SRBD1: variants seen among roughly 807,000 people sequenced by gnomAD.
SRBD1 encodes the protein S1 RNA binding domain 1, also known as S1 RNA-binding domain-containing protein 1.
Under a neutral mutation model 115.3 loss-of-function variants are expected in SRBD1, and 88 were observed. The ratio of observed to expected loss-of-function variants is 0.76; its 90% CI spans 0.64 to 0.91. The LOEUF (loss-of-function observed/expected upper bound fraction) is 0.91, where lower values mean the gene tolerates loss of function less well. SRBD1 is among the 40% of genes least tolerant of loss of function. The pLI, the probability that SRBD1 is intolerant of heterozygous loss-of-function variation, is 0.00. For synonymous variants in SRBD1, 509 were observed against 407.7 expected (o/e 1.25, Z -2.99); for missense variants, 1,385 against 1,177.4 (o/e 1.18, Z -2.58).
intron 16 of SRBD1, among the ~76,000 whole-genome samples, chr2:45,445,642 A>G (rs1439987256): frequency 1.3e-5 from 2 of 151,868 alleles, no homozygotes; most frequent in Non-Finnish European, 2.9e-5. Flanking sequence ...TAAAGAAACC[A>G]ATGTTAGACA....
chr2:45,395,083 C>T (rs1247559196), intron 19 of SRBD1, among the ~76,000 whole-genome samples: 2 of 152,214 alleles, frequency 1.3e-5, no homozygotes, highest in African/African-American at 4.8e-5. Context: ...CGAAATCCAA[C>T]TTCCTTATAC....
chr2:45,501,049 T>C (rs987789623), intron 14 of SRBD1, among the ~76,000 whole-genome samples: 1 of 152,192 alleles, frequency 6.6e-6, no homozygotes, highest in Non-Finnish European at 1.5e-5. Context: ...TGTTGAGGTA[T>C]GTTCCTTCTC....
At chr2:45,547,134 C>G (rs1187015410) in intron 13 of SRBD1, among the ~76,000 whole-genome samples, 1 of 152,090 alleles carries the variant, frequency 6.6e-6, no homozygotes, top group Non-Finnish European at 1.5e-5. Context: ...AACTCTGGAG[C>G]ATTCTAAGCC....
intron 16 of SRBD1, among the ~76,000 whole-genome samples, chr2:45,441,722 G>C (rs577044114): frequency 6.6e-6 from 1 of 152,340 alleles, no homozygotes; most frequent in East Asian, 1.9e-4. Flanking sequence ...CCCTAAAATA[G>C]GAGGAGATAC....
At chr2:45,444,234 T>C (rs979220170) in intron 16 of SRBD1, among the ~76,000 whole-genome samples, 1 of 152,066 alleles carries the variant, frequency 6.6e-6, no homozygotes, top group African/African-American at 2.4e-5. Flanking sequence ...AGTGAGACCC[T>C]AACTTTACAA....
At chr2:45,495,819 A>C (rs1018259859) in intron 14 of SRBD1, among the ~76,000 whole-genome samples, 1 of 152,166 alleles carries the variant, frequency 6.6e-6, no homozygotes, top group African/African-American at 2.4e-5. Context: ...TACAAAACCT[A>C]AGGGGGCAGG....
chr2:45,413,057 T>C, intron 19 of SRBD1, 57 bp downstream of exon 19: 1 of 1,525,578 alleles, frequency 6.6e-7, no homozygotes, highest in Middle Eastern at 1.8e-4. Context: ...CAAAGGCCAT[T>C]TGCTGTAAAG....
chr2:45,516,641 A>T (rs1295666994), intron 14 of SRBD1, among the ~76,000 whole-genome samples: 1 of 152,190 alleles, frequency 6.6e-6, no homozygotes, highest in Non-Finnish European at 1.5e-5. Flanking sequence ...TGCTTACAGG[A>T]GTAGATAGTT....
At chr2:45,472,376 T>C (rs559247215) in intron 16 of SRBD1, among the ~76,000 whole-genome samples, 5 of 152,260 alleles carry the variant, frequency 3.3e-5, no homozygotes, top group Admixed American at 6.5e-5. Context: ...AAAAATGTTC[T>C]ATTTTCACAA....
At chr2:45,586,220 G>C (rs1406015658) in intron 4 of SRBD1, among the ~76,000 whole-genome samples, 1 of 152,106 alleles carries the variant, frequency 6.6e-6, no homozygotes, top group East Asian at 1.9e-4. Flanking sequence ...TCTACTACTG[G>C]AAATTTATCA....
At chr2:45,414,746 GTA>G (rs1558563390) in intron 18 of SRBD1, among the ~76,000 whole-genome samples, 20 of 113,224 alleles carry the variant, frequency 1.8e-4, no homozygotes, top group African/African-American at 8.3e-4. Context: ...TATATAGTAT[GTA>G]CACACACACA....
In SRBD1 at chr2:45,605,248, A is replaced by T. The variant is rs976191127; in HGVS notation, c.80+114T>A. 4 of 897,716 alleles carry T rather than the reference A, an allele frequency of 4.5e-6. No individual in the cohort carries two copies. The African/African-American group carries it at 6.7e-5, about 15-fold the overall frequency. The allele number at this position is 897,716 out of a possible 1,614,324, so 55.6% of individuals were successfully genotyped here. A position where few individuals can be genotyped will look rare whatever the true frequency, so the allele number is the denominator to read the frequency against. ...ACAAATACTTGTTGCATGAATGAAT[A>T]AAAAAAGTTTTTTCTACCCACATCA... is the stretch of plus-strand genomic sequence containing the variant. On this transcript the variant is annotated intron_variant, in intron 2 of 20. Coordinates refer to ENST00000263736, the MANE Select transcript of SRBD1 (RefSeq NM_018079.5).
At chr2:45,482,215 G>A (rs1196749704) in intron 15 of SRBD1, among the ~76,000 whole-genome samples, 1 of 152,082 alleles carries the variant, frequency 6.6e-6, no homozygotes, top group Non-Finnish European at 1.5e-5. Flanking sequence ...ACAGTTTGCT[G>A]TATCACTACT....
At chr2:45,556,544 C>G (rs905587160) in intron 10 of SRBD1, among the ~76,000 whole-genome samples, 1 of 141,512 alleles carries the variant, frequency 7.1e-6, no homozygotes, top group Non-Finnish European at 1.5e-5. Flanking sequence ...CTCATTGCAA[C>G]CTCCACCTCC....
In SRBD1 at chr2:45,389,484, T is replaced by A; in HGVS notation, c.2814A>T (p.Ile938=). The A allele has an allele frequency of 1.9e-6, 3 of 1,614,102 alleles. No individual in the cohort carries two copies. Among genetic ancestry groups the A allele is most frequent in the Non-Finnish European group, 2.5e-6 (3 of 1,179,946 alleles). The part of the protein sequence containing the change: ...NATLFGIFVD[I]GVGKSGLIPI... ...GAATCAGCCCAGATTTCCCCACTCC[T>A]ATATCCACAAAAATTCCAAAGAGAG... The change falls in exon 21 of 21, where the codon ATA becomes ATT. Residue 938 remains isoleucine, a synonymous_variant. Transcript: ENST00000263736.
intron 15 of SRBD1, among the ~76,000 whole-genome samples, chr2:45,478,368 T>C (rs1222150387): frequency 1.1e-4 from 16 of 152,342 alleles, no homozygotes; most frequent in Non-Finnish European, 2.9e-5. Context: ...ACTTATCTAC[T>C]GTGAACATCA....
At chr2:45,463,446 A>G (rs1195141544) in intron 16 of SRBD1, among the ~76,000 whole-genome samples, 1 of 151,902 alleles carries the variant, frequency 6.6e-6, no homozygotes, top group Non-Finnish European at 1.5e-5. Flanking sequence ...TAAAGGAATG[A>G]GTTAATCAAC....
At chr2:45,517,498 G>T (rs1302205358) in intron 14 of SRBD1, among the ~76,000 whole-genome samples, 1 of 152,160 alleles carries the variant, frequency 6.6e-6, no homozygotes, top group Non-Finnish European at 1.5e-5. Flanking sequence ...GGCAATGAAA[G>T]ACTAATGTGA....
chr2:45,473,301 T>C (rs1424501615), intron 16 of SRBD1, among the ~76,000 whole-genome samples: 1 of 152,170 alleles, frequency 6.6e-6, no homozygotes, highest in Admixed American at 6.5e-5. Flanking sequence ...TTAATACTTT[T>C]TATCATTTCT....
Sources: gnomAD v4.1 joint callset for allele counts (sites outside exome capture counted in the v4.1 genomes callset) on GRCh38, gnomAD v4.1.1 for gene constraint, MANE v1.5 for transcripts, NCBI Gene and HGNC (gene_info 2026-07-23, HGNC 2026-07-21) for gene names.